ARAP2: variants seen among roughly 807,000 people sequenced by gnomAD.
ARAP2 encodes arf-GAP with Rho-GAP domain, ANK repeat and PH domain-containing protein 2.
ARAP2 carries 148 observed loss-of-function variants against 194.5 expected under a neutral mutation model. That is an observed-to-expected ratio of 0.76 (90% CI 0.67 to 0.87). The LOEUF is 0.87. ARAP2 is among the 40% of genes least tolerant of loss of function. The pLI is 0.00. For missense variants in ARAP2, 2,128 were observed against 1,989.7 expected (o/e 1.07, Z -1.32); for synonymous variants, 695 against 683.5 (o/e 1.02, Z -0.26).
chr4:36,203,232 A>G (rs971240187), intron 6 of ARAP2, among the ~76,000 whole-genome samples: 30 of 152,190 alleles, frequency 2.0e-4, no homozygotes, highest in Non-Finnish European at 4.0e-4. Context: ...GGAATCAAAT[A>G]AAAGTCTACA....
chr4:36,128,204 A>G (rs1222786578), intron 21 of ARAP2, among the ~76,000 whole-genome samples: 2 of 152,000 alleles, frequency 1.3e-5, no homozygotes, highest in Non-Finnish European at 2.9e-5. Flanking sequence ...TTTATTTTTA[A>G]TGAGAAATTA....
At chr4:36,138,705 T>G (rs1420064718) in intron 19 of ARAP2, among the ~76,000 whole-genome samples, 3 of 151,674 alleles carry the variant, frequency 2.0e-5, no homozygotes. Context: ...TATATTATGA[T>G]TTGTTTTGGG....
chr4:36,213,190 G>T, intron 4 of ARAP2, 53 bp downstream of exon 4: 1 of 1,267,564 alleles, frequency 7.9e-7, no homozygotes, highest in Non-Finnish European at 1.1e-6. Context: ...GTACAAATAG[G>T]CAGAAAAGCA....
intron 8 of ARAP2, among the ~76,000 whole-genome samples, chr4:36,014,424 A>G (rs1165801345): frequency 2.0e-5 from 3 of 152,146 alleles, no homozygotes; most frequent in Admixed American, 2.0e-4. Context: ...CTTCTAGTCA[A>G]TATTTTATTC....
At chr4:36,016,818 T>C (rs1715895740) in intron 6 of ARAP2, among the ~76,000 whole-genome samples, 1 of 152,180 alleles carries the variant, frequency 6.6e-6, no homozygotes, top group African/African-American at 2.4e-5. Flanking sequence ...TGGATGCTCC[T>C]CATTGTATAT....
chr4:36,034,085 C>T (rs780354740), intron 5 of ARAP2, among the ~76,000 whole-genome samples: 5 of 152,068 alleles, frequency 3.3e-5, no homozygotes, highest in Non-Finnish European at 7.4e-5. Context: ...TAACATGATA[C>T]CTTCAGATTT....
rs139641204 is a variant in ARAP2 at position 36,124,919 on chromosome 4, C to T, written c.3689G>A (p.Arg1230His). Residue 1230 changes from arginine (R) to histidine (H), a missense_variant, in exon 22 of 33, where the codon CGT becomes CAT. Physicochemically the swap from Arg to His is conservative, Grantham distance 29. Coordinates refer to ENST00000303965, the MANE Select transcript of ARAP2 (RefSeq NM_015230.4). Reference protein sequence around the residue: ...ERIKKYGAFIRSLPGVNRATL... With the variant: ...ERIKKYGAFIHSLPGVNRATL... Reference sequence around the variant, plus strand: ...TGCTCGGTTGACCCCTGGAAGAGAACGTATAAATGCTCCATATTTTTTAAT... The same window carrying T: ...TGCTCGGTTGACCCCTGGAAGAGAATGTATAAATGCTCCATATTTTTTAAT... 1.4e-5 allele frequency: 23 copies of T among 1,610,558 alleles called. No homozygotes were observed. The highest frequency in any genetic ancestry group is 1.3e-4 in the South Asian group (12 of 90,810).
intron 4 of ARAP2, 36 bp downstream of exon 4, chr4:36,213,207 T>C (rs1194737064): frequency 7.1e-7 from 1 of 1,417,766 alleles, no homozygotes; most frequent in Non-Finnish European, 9.9e-7. Context: ...AGCAAATAAT[T>C]GATTATGGAA....
chr4:36,107,818 CTTA>C (rs1560445443), intron 26 of ARAP2, 125 bp from the exon 27 acceptor site: 10 of 797,948 alleles, frequency 1.3e-5, no homozygotes, highest in Non-Finnish European at 1.9e-5. Context: ...ACAATCATAT[CTTA>C]TGTTATATTA....
At chr4:36,191,884 T>C (rs1464538767) in intron 7 of ARAP2, among the ~76,000 whole-genome samples, 2 of 152,158 alleles carry the variant, frequency 1.3e-5, no homozygotes, top group South Asian at 2.1e-4. Flanking sequence ...TTTTCTGTGA[T>C]ATAATGAAGG....
In ARAP2 at chr4:36,119,627, GAGATCTA is replaced by G; in HGVS notation, c.3963+16_3963+22del. On this transcript the variant is annotated intron_variant, in intron 24 of 32. Coordinates refer to ENST00000303965, the MANE Select transcript of ARAP2 (RefSeq NM_015230.4). Reference sequence around the variant, plus strand: ...AGTTTTTGTTTTGTTTAATTATTTAGAGATCTAACTATTACTACTCACTTGGGTGTCT... The same window carrying G: ...AGTTTTTGTTTTGTTTAATTATTTAGACTATTACTACTCACTTGGGTGTCT... 2 of 1,505,010 alleles carry G rather than the reference GAGATCTA, an allele frequency of 1.3e-6. No individual in the cohort carries two copies. Among genetic ancestry groups the G allele is most frequent in the Non-Finnish European group, 1.8e-6 (2 of 1,090,388 alleles). The allele number at this position is 1,505,010 out of a possible 1,614,324, so 93.2% of individuals were successfully genotyped here. A position where few individuals can be genotyped will look rare whatever the true frequency, so the allele number is the denominator to read the frequency against.
intron 1 of ARAP2, among the ~76,000 whole-genome samples, chr4:36,241,402 T>C (rs1753477971): frequency 6.6e-6 from 1 of 152,162 alleles, no homozygotes; most frequent in Non-Finnish European, 1.5e-5. Flanking sequence ...GGACCATTTT[T>C]TAACATGTAT....
intron 3 of ARAP2, among the ~76,000 whole-genome samples, chr4:36,213,619 T>C (rs1747256281): frequency 6.6e-6 from 1 of 152,036 alleles, no homozygotes; most frequent in African/African-American, 2.4e-5. Flanking sequence ...CCAAATACAT[T>C]GCCCACATAC....
chr4:36,080,480 T>C (rs1729269256), intron 30 of ARAP2, among the ~76,000 whole-genome samples: 1 of 152,202 alleles, frequency 6.6e-6, no homozygotes, highest in African/African-American at 2.4e-5. Context: ...AGTGTAAATA[T>C]ATTGGTTTAA....
intron 7 of ARAP2, among the ~76,000 whole-genome samples, chr4:36,190,576 C>T (rs775667889): frequency 3.1e-4 from 47 of 152,184 alleles, no homozygotes; most frequent in African/African-American, 6.3e-4. Context: ...ATGATAATAA[C>T]GCCTGGCTTA....
intron 3 of ARAP2, among the ~76,000 whole-genome samples, chr4:36,051,277 G>A (rs1255755167): frequency 3.3e-5 from 5 of 152,046 alleles, no homozygotes; most frequent in East Asian, 1.9e-4. Context: ...TGAGGAGCTC[G>A]AGACAAGCCT....
chr4:36,092,054 T>TAC, intron 27 of ARAP2, 34 bp from the exon 28 acceptor site: 1 of 1,466,280 alleles, frequency 6.8e-7, no homozygotes, highest in Non-Finnish European at 9.1e-7. Flanking sequence ...GTGAGTTGGG[T>TAC]ACGTTTTTAC....
intron 5 of ARAP2, among the ~76,000 whole-genome samples, chr4:36,040,171 T>A (rs1720607276): frequency 6.6e-6 from 1 of 152,158 alleles, no homozygotes; most frequent in South Asian, 2.1e-4. Flanking sequence ...CAAAATAGAT[T>A]TTTGTTCTGT....
intron 21 of ARAP2, among the ~76,000 whole-genome samples, chr4:36,125,757 G>T (rs1560483359): frequency 6.6e-6 from 1 of 152,006 alleles, no homozygotes; most frequent in Non-Finnish European, 1.5e-5. Flanking sequence ...TGACAGTTTA[G>T]CCTATGCTAC....
Sources: allele counts gnomAD v4.1 joint callset (sites outside exome capture counted in the v4.1 genomes callset), GRCh38; gene constraint gnomAD v4.1.1; transcripts MANE v1.5; gene names NCBI Gene and HGNC (gene_info 2026-07-23, HGNC 2026-07-21).